LGALS3: variants seen among roughly 807,000 people sequenced by gnomAD.
LGALS3 encodes the protein galectin 3.
Under a neutral mutation model 20.7 loss-of-function variants are expected in LGALS3, and 18 were observed. The observed-to-expected ratio is 0.87, with a 90% CI of 0.60 to 1.29. The LOEUF (loss-of-function observed/expected upper bound fraction) is 1.29, where lower values mean the gene tolerates loss of function less well. Ranked by LOEUF, LGALS3 falls within the 50% of genes most tolerant of loss-of-function variation. The probability of loss-of-function intolerance (pLI) is 0.00; values close to 1 mark genes in which losing one functional copy is unlikely to be tolerated. For synonymous variants in LGALS3, 112 were observed against 119.6 expected (o/e 0.94, Z 0.42); for missense variants, 315 against 314.7 (o/e 1.00, Z -0.01).
chr14:55,138,793 T>C (rs1881515798), intron 3 of LGALS3, among the ~76,000 whole-genome samples: 1 of 152,144 alleles, frequency 6.6e-6, no homozygotes, highest in African/African-American at 2.4e-5. Flanking sequence ...AGCAAACATG[T>C]AGAGGAACCA....
At chr14:55,137,673 CCT>C (rs1039007522) in intron 2 of LGALS3, 30 of 1,411,776 alleles carry the variant, frequency 2.1e-5, no homozygotes, top group South Asian at 1.3e-4. Context: ...GCTGAGAAAT[CCT>C]CTGAGTAGCG....
In LGALS3 at chr14:55,145,227, T is replaced by G; in HGVS notation, c.709T>G (p.Ser237Ala). 1 of 1,614,008 alleles carries G rather than the reference T, an allele frequency of 6.2e-7. No individual in the cohort carries two copies. Among genetic ancestry groups the G allele is most frequent in the Non-Finnish European group, 8.5e-7 (1 of 1,179,958 alleles). Residue 237 changes from serine (S) to alanine (A), a missense_variant, in exon 6 of 6, where the codon TCT (serine) becomes GCT (alanine). Coordinates refer to ENST00000254301, the MANE Select transcript of LGALS3 (RefSeq NM_002306.4). The stretch of plus-strand genomic sequence containing the variant: ...CAATGAAATCAGCAAACTGGGAATT[T>G]CTGGTGACATAGACCTCACCAGTGC... ...KLNEISKLGI[S>A]GDIDLTSASY...
chr14:55,140,004 C>A (rs1178050345), intron 3 of LGALS3, among the ~76,000 whole-genome samples: 1 of 152,134 alleles, frequency 6.6e-6, no homozygotes, highest in African/African-American at 2.4e-5. Flanking sequence ...CTAGCTTAAG[C>A]CTTTCCAAAA....
intron 1 of LGALS3, among the ~76,000 whole-genome samples, chr14:55,130,770 C>T (rs910134508): frequency 6.7e-6 from 1 of 150,340 alleles, no homozygotes; most frequent in Non-Finnish European, 1.5e-5. Context: ...GGGGGGGTCC[C>T]TCCATGTTGG....
Position 55,142,564 on chromosome 14 carries a change from T to TGGTCTTTG in LGALS3, c.432-18_432-11dup. On this transcript the variant is annotated intron_variant, in intron 4 of 5. Coordinates refer to ENST00000254301, the MANE Select transcript of LGALS3 (RefSeq NM_002306.4). ...GTACAGCTTTAATCATTTTAATAAC[T>TGGTCTTTG]GGTCTTTGGTTTAAAACAGAATTGC... 6.3e-7 allele frequency: 1 copy of TGGTCTTTG among 1,599,376 alleles called. No individual in the cohort carries two copies. Among genetic ancestry groups the TGGTCTTTG allele is most frequent in the Non-Finnish European group, 8.6e-7 (1 of 1,167,202 alleles).
Position 55,145,414 on chromosome 14 carries a change from C to A in LGALS3, c.*143C>A. 1 of 1,436,460 alleles carries A rather than the reference C, an allele frequency of 7.0e-7. No homozygotes were observed. The highest frequency in any genetic ancestry group is 9.4e-7 in the Non-Finnish European group (1 of 1,059,390). 89.0% of individuals were successfully genotyped at this position (1,436,460 alleles called of 1,614,324 possible). ...ACTTAATAAATATTACAGTGAATTA[C>A]CTGTCTCAATATGTCATTTAATTGG... On this transcript the variant is annotated 3_prime_UTR_variant, in exon 6 of 6. Coordinates refer to ENST00000254301, the MANE Select transcript of LGALS3 (RefSeq NM_002306.4).
In LGALS3 at chr14:55,140,362, A is replaced by G; in HGVS notation, c.430A>G (p.Arg144Gly). 1 of 1,600,512 alleles carries G rather than the reference A, an allele frequency of 6.2e-7. No individual in the cohort carries two copies. The highest frequency in any genetic ancestry group is 8.6e-7 in the Non-Finnish European group (1 of 1,169,038). ...GGGCACGGTGAAGCCCAATGCAAAC[A>G]GGTAAGGAGAGCAAAATTAACAAGT... ...ILGTVKPNAN[R>G]IALDFQRGND... The change falls in exon 4 of 6, where the codon AGA becomes GGA. Residue 144 changes from arginine to glycine, a missense_variant and splice_region_variant. Arg to Gly is a moderately radical substitution (Grantham distance 125). Transcript: ENST00000254301.
chr14:55,133,692 G>A lies in LGALS3; in HGVS notation c.-4-3678G>A, dbSNP rs187617760. 4.6e-3 allele frequency among the ~76,000 whole-genome samples: 704 copies of A among 152,282 alleles called. 4 individuals carry two copies. Among genetic ancestry groups the A allele is most frequent in the African/African-American group, 0.016 (664 of 41,566 alleles). The stretch of plus-strand genomic sequence containing the variant: ...CGAGACACAATCTATACTGCCCTCC[G>A]AGGTGGTGTTGAAACAGTGGAAATG... On this transcript the variant is annotated intron_variant, in intron 1 of 5. Transcript: ENST00000254301.
intron 1 of LGALS3, among the ~76,000 whole-genome samples, chr14:55,133,086 C>T (rs1450071827): frequency 6.6e-6 from 1 of 152,136 alleles, no homozygotes; most frequent in Non-Finnish European, 1.5e-5. Flanking sequence ...AATTTGTTTA[C>T]AATTTCAGTA....
chr14:55,143,333 GAGTGT>G, intron 5 of LGALS3: 1 of 259,648 alleles, frequency 3.9e-6, no homozygotes, highest in Non-Finnish European at 7.8e-6. Context: ...AAAACAGCTG[GAGTGT>G]AAACTCTTCA....
At chr14:55,143,393 C>A in intron 5 of LGALS3, 1 of 349,652 alleles carries the variant, frequency 2.9e-6, no homozygotes. Flanking sequence ...TGGTGGATAT[C>A]TTTTCGTATC....
Position 55,142,661 on chromosome 14 carries a change from T to C in LGALS3, c.509T>C (p.Val170Ala), listed in dbSNP as rs761244938. 4 of 1,613,298 alleles carry C rather than the reference T, an allele frequency of 2.5e-6. No homozygotes were observed. In the East Asian group the frequency reaches 8.9e-5, roughly 36 times the overall value. The change falls in exon 5 of 6, where the codon GTC becomes GCC. Residue 170 changes from valine to alanine, a missense_variant. Transcript: ENST00000254301. ...NPRFNENNRR[V>A]IVCNTKLDNN... ...CGCTTCAATGAGAACAACAGGAGAG[T>C]CATTGTTTGCAATACAAAGCTGGAT...
intron 2 of LGALS3, 37 bp downstream of exon 2, chr14:55,137,428 C>G (rs199699629): frequency 1.9e-6 from 3 of 1,614,018 alleles, no homozygotes; most frequent in African/African-American, 2.7e-5. Flanking sequence ...CCTTGATCAG[C>G]TCCACATGGT....
rs903904307 is a variant in LGALS3 at position 55,137,661 on chromosome 14, G to A, written c.18+270G>A. On this transcript the variant is annotated intron_variant, in intron 2 of 5. Transcript: ENST00000254301. ...GGAAGGGAGTGGACTCTGCCGGCAG[G>A]AGCTGAGAAATCCTCTGAGTAGCGG... 1.8e-5 allele frequency: 25 copies of A among 1,415,384 alleles called. 1 individual carries two copies. The East Asian group carries it at 5.6e-4, about 32-fold the overall frequency. 87.7% of individuals were successfully genotyped at this position (1,415,384 alleles called of 1,614,324 possible).
In LGALS3 at chr14:55,140,343, G is replaced by A. The variant is rs774289167; in HGVS notation, c.411G>A (p.Thr137=). 2.7e-5 allele frequency: 43 copies of A among 1,612,262 alleles called. No individual in the cohort carries two copies. Among genetic ancestry groups the A allele is most frequent in the South Asian group, 4.4e-5 (4 of 90,802 alleles). ...VPRMLITILG[T]VKPNANRIAL... is the part of the protein sequence containing the mutation. Reference sequence around the variant, plus strand: ...GCATGCTGATAACAATTCTGGGCACGGTGAAGCCCAATGCAAACAGGTAAG... The same window carrying A: ...GCATGCTGATAACAATTCTGGGCACAGTGAAGCCCAATGCAAACAGGTAAG... The change falls in exon 4 of 6, where the codon ACG becomes ACA. Residue 137 remains threonine, a synonymous_variant. Transcript: ENST00000254301.
rs1480222268 is a variant in LGALS3 at position 55,137,970 on chromosome 14, A to G, written c.19-75A>G. On this transcript the variant is annotated intron_variant, in intron 2 of 5. Coordinates refer to ENST00000254301, the MANE Select transcript of LGALS3 (RefSeq NM_002306.4). ...CATATTCCTCTCCTTCTTAGATCAC[A>G]TATTCCTATTTTCCTGAAAATTCTG... 8.9e-6 allele frequency: 13 copies of G among 1,457,540 alleles called. 1 individual carries two copies. In the South Asian group the frequency reaches 1.8e-4, roughly 21 times the overall value. 90.3% of individuals were successfully genotyped at this position (1,457,540 alleles called of 1,614,324 possible).
chr14:55,138,084 C>T lies in LGALS3; in HGVS notation c.58C>T (p.Gln20Ter). The change falls in exon 3 of 6, where the codon CAA becomes TAA. Residue 20 changes from glutamine to a stop codon, truncating the protein, a stop_gained. Transcript: ENST00000254301. LOFTEE classifies it high-confidence loss of function. ...ALSGSGNPNPQGWPGAWGNQP... is the reference protein window; with the variant it reads ...ALSGSGNPNP ...ATCTGGGTCTGGAAACCCAAACCCT[C>T]AAGGATGGCCTGGCGCATGGGGGAA... 6.6e-7 allele frequency: 1 copy of T among 1,517,794 alleles called. No homozygotes were observed. The highest frequency in any genetic ancestry group is 8.8e-7 in the Non-Finnish European group (1 of 1,135,496). 94.0% of individuals were successfully genotyped at this position (1,517,794 alleles called of 1,614,324 possible).
At position 55,129,380 on chromosome 14, in the gene LGALS3, C is replaced by G. The variant is rs1485495686; in HGVS notation, c.-5+80C>G. On this transcript the variant is annotated intron_variant, in intron 1 of 5. Transcript: ENST00000254301. The surrounding 1 kb of genome is among the most constrained non-coding windows in gnomAD (Gnocchi z 5.3). ...CCCGGGCGCTGCTTGGGGCGCGGTC[C>G]GGAGAGGGTTCGGCTCCCCGGGACC... The G allele has an allele frequency of 6.6e-6, 1 of 151,970 alleles. No homozygotes were observed. Among genetic ancestry groups the G allele is most frequent in the Non-Finnish European group, 1.5e-5 (1 of 68,082 alleles). The allele number at this position is 151,970 out of a possible 1,614,324, so 9.4% of individuals were successfully genotyped here. A position where few individuals can be genotyped will look rare whatever the true frequency, so the allele number is the denominator to read the frequency against.
rs879081339 is a variant in LGALS3, at chr14:55,137,097, G to A, written c.-4-273G>A. On this transcript the variant is annotated intron_variant, in intron 1 of 5. Coordinates refer to ENST00000254301, the MANE Select transcript of LGALS3 (RefSeq NM_002306.4). ...TCTTCAAAAACCCAGAGTAGGGGATGGGGCAGTTAGTGGGGACAGAGGGCA... is the reference window on the plus strand; with the variant it reads ...TCTTCAAAAACCCAGAGTAGGGGATAGGGCAGTTAGTGGGGACAGAGGGCA... 59 of 549,918 alleles carry A rather than the reference G, an allele frequency of 1.1e-4. 1 individual carries two copies. Among genetic ancestry groups the A allele is most frequent in the Middle Eastern group, 5.0e-4 (1 of 2,014 alleles). 34.1% of individuals were successfully genotyped at this position (549,918 alleles called of 1,614,324 possible). A position where few individuals can be genotyped will look rare whatever the true frequency, so the allele number is the denominator to read the frequency against.
Sources: gnomAD v4.1 joint callset for allele counts (sites outside exome capture counted in the v4.1 genomes callset) on GRCh38, gnomAD v4.1.1 for gene constraint, Gnocchi (gnomAD v3.1) non-coding constraint, MANE v1.5 for transcripts, NCBI Gene and HGNC (gene_info 2026-07-23, HGNC 2026-07-21) for gene names.